The following STOML2 variants were observed in gnomAD, a reference collection of about 807,000 sequenced individuals.
STOML2 encodes the protein stomatin like 2.
Under a neutral mutation model 45.7 loss-of-function variants are expected in STOML2, and 22 were observed. That is an observed-to-expected ratio of 0.48 (90% CI 0.34 to 0.69). The LOEUF (loss-of-function observed/expected upper bound fraction) is 0.69, where lower values mean the gene tolerates loss of function less well. Among genes scored for constraint, STOML2 ranks in the 30% least tolerant of loss-of-function variants. STOML2 has a pLI of 0.01. For synonymous variants in STOML2, 181 were observed against 182.7 expected, an observed-to-expected ratio of 0.99 and a Z score of 0.08; for missense variants, 359 against 466.9, an observed-to-expected ratio of 0.77 and a Z score of 2.13.
In STOML2 at chr9:35,102,096, G is replaced by A. The variant is rs563889169; in HGVS notation, c.282C>T (p.Leu94=). The change falls in exon 3 of 10, where the codon CTC becomes CTT. Residue 94 remains leucine, a splice_region_variant and synonymous_variant. Transcript: ENST00000356493. This position sits in a 1 kb window ranked among gnomAD's most constrained non-coding sequence, Gnocchi z 4.8. ...CCCATGTCACCCTGAACCCCTCACC[G>A]AGAGTCACAGCCGACTGCTCAGGCA... The part of the protein sequence containing the change: ...INVPEQSAVT[L]DNVTLQIDGV... 39 of 1,613,898 alleles carry A rather than the reference G, an allele frequency of 2.4e-5. No homozygotes were observed. Among genetic ancestry groups the A allele is most frequent in the African/African-American group, 4.0e-5 (3 of 74,968 alleles).
Position 35,102,433 on chromosome 9 carries a change from T to C in STOML2, c.184-239A>G. The C allele has an allele frequency of 1.5e-6, 1 of 662,746 alleles. No individual in the cohort carries two copies. The highest frequency in any genetic ancestry group is 2.5e-6 in the Non-Finnish European group (1 of 393,732). The allele number at this position is 662,746 out of a possible 1,614,324, so 41.1% of individuals were successfully genotyped here. ...GTCATGAGAATCGGAGCCAGCAGAA[T>C]AGCCATCTCTATGCAGACTGAGAGG... is the stretch of plus-strand genomic sequence containing the variant. On this transcript the variant is annotated intron_variant, in intron 2 of 9. Transcript: ENST00000356493. The surrounding 1 kb of genome is among the most constrained non-coding windows in gnomAD (Gnocchi z 4.8).
intron 8 of STOML2, 48 bp downstream of exon 8, chr9:35,100,884 C>T (rs368396370): frequency 6.8e-5 from 110 of 1,613,524 alleles, no homozygotes; most frequent in Non-Finnish European, 8.9e-5. Flanking sequence ...TAAGAGAACC[C>T]CTTCCACTGT....
Position 35,101,008 on chromosome 9 carries a change from T to C in STOML2, c.728A>G (p.Glu243Gly). ...KAEQINQAAG[E>G]ASAVLAKAKA... Reference sequence around the variant, plus strand: ...GGCCTTCGCCAGAACTGCACTGGCCTCTCCTGCAAGAGAAGGGACAGAGCT... The same window carrying C: ...GGCCTTCGCCAGAACTGCACTGGCCCCTCCTGCAAGAGAAGGGACAGAGCT... The change falls in exon 8 of 10, where the codon GAG (glutamate) becomes GGG (glycine). Residue 243 changes from glutamate to glycine, a missense_variant. Around this residue, in one of 2 missense-constraint regions of STOML2, gnomAD observed 285 missense variants for 422.0 expected, o/e 0.68. Coordinates refer to ENST00000356493, the MANE Select transcript of STOML2 (RefSeq NM_013442.3). The surrounding 1 kb of genome is among the most constrained non-coding windows in gnomAD (Gnocchi z 4.3). 1 of 1,613,884 alleles carries C rather than the reference T, an allele frequency of 6.2e-7. No individual in the cohort carries two copies. The highest frequency in any genetic ancestry group is 8.5e-7 in the Non-Finnish European group (1 of 1,179,878).
In STOML2 at chr9:35,102,995, G is replaced by T; in HGVS notation, c.45+55C>A. 1 of 1,606,196 alleles carries T rather than the reference G, an allele frequency of 6.2e-7. No individual in the cohort carries two copies. The highest frequency in any genetic ancestry group is 1.7e-5 in the Admixed American group (1 of 58,580). The stretch of plus-strand genomic sequence containing the variant: ...AGTTGGAATTTCGCTCTTTTCCAGC[G>T]GAGAACCCAGGTAATCTCTGTCCTG... On this transcript the variant is annotated intron_variant, in intron 1 of 9. Transcript: ENST00000356493. This position sits in a 1 kb window ranked among gnomAD's most constrained non-coding sequence, Gnocchi z 4.8.
Position 35,101,587 on chromosome 9 carries a change from G to A in STOML2, c.445-27C>T, listed in dbSNP as rs766519602. 2.5e-6 allele frequency: 4 copies of A among 1,613,934 alleles called. No homozygotes were observed. The East Asian group carries it at 6.7e-5, about 27-fold the overall frequency. ...TGGAAAAAGAGGTGTAAGCCCCACA[G>A]CCTCAACCTACCTATCAAGGGCCTA... is the stretch of plus-strand genomic sequence containing the variant. On this transcript the variant is annotated intron_variant, in intron 5 of 9. Transcript: ENST00000356493. The surrounding 1 kb of genome is among the most constrained non-coding windows in gnomAD (Gnocchi z 4.3).
In STOML2 at chr9:35,101,448, AC is replaced by A. The variant is rs770105605; in HGVS notation, c.556del (p.Val186Ter). The A allele has an allele frequency of 1.9e-6, 3 of 1,613,644 alleles. No homozygotes were observed. Among genetic ancestry groups the A allele is most frequent in the South Asian group, 1.1e-5 (1 of 91,072 alleles). On this transcript the variant is annotated frameshift_variant, in exon 6 of 10. Transcript: ENST00000356493. LOFTEE classifies it high-confidence loss of function. This position sits in a 1 kb window ranked among gnomAD's most constrained non-coding sequence, Gnocchi z 4.3. The part of the protein sequence containing the change: ...EIKDIHVPPR[V>X]KESMQMQVEA... ...CACCTGCATCTGCATAGACTCTTTC[AC>A]CCGGGGTGGCACATGGATATCCTTG...
In STOML2 at chr9:35,102,630, T is replaced by G; in HGVS notation, c.183+56A>C. 6.3e-7 allele frequency: 1 copy of G among 1,599,362 alleles called. No homozygotes were observed. Among genetic ancestry groups the G allele is most frequent in the Non-Finnish European group, 8.5e-7 (1 of 1,173,768 alleles). On this transcript the variant is annotated intron_variant, in intron 2 of 9. Transcript: ENST00000356493. This position sits in a 1 kb window ranked among gnomAD's most constrained non-coding sequence, Gnocchi z 4.8. ...CAAAGGAAGTCCTCCCGACATTGCA[T>G]GTCGTGAGGGATTGGTCATCTGGCT...
Position 35,102,556 on chromosome 9 carries a change from C to G in STOML2, c.183+130G>C. On this transcript the variant is annotated intron_variant, in intron 2 of 9. Transcript: ENST00000356493. The surrounding 1 kb of genome is among the most constrained non-coding windows in gnomAD (Gnocchi z 4.8). Reference sequence around the variant, plus strand: ...GGGGATGATGGTCAGCAGCCTGGGCCCTGTCAGGTCTGGCCTACAGAGTCG... The same window carrying G: ...GGGGATGATGGTCAGCAGCCTGGGCGCTGTCAGGTCTGGCCTACAGAGTCG... 7.0e-7 allele frequency: 1 copy of G among 1,432,932 alleles called. No individual in the cohort carries two copies. Among genetic ancestry groups the G allele is most frequent in the Non-Finnish European group, 9.4e-7 (1 of 1,062,934 alleles). The allele number at this position is 1,432,932 out of a possible 1,614,324, so 88.8% of individuals were successfully genotyped here. A position where few individuals can be genotyped will look rare whatever the true frequency, so the allele number is the denominator to read the frequency against.
Position 35,099,920 on chromosome 9 carries a change from C to A in STOML2, c.*115G>T. 1 of 1,344,776 alleles carries A rather than the reference C, an allele frequency of 7.4e-7. No homozygotes were observed. The highest frequency in any genetic ancestry group is 1.0e-6 in the Non-Finnish European group (1 of 981,920). The allele number at this position is 1,344,776 out of a possible 1,614,324, so 83.3% of individuals were successfully genotyped here. ...TGGTTTGCCACTGGTGAGTTTATTA[C>A]ACGACTAAAGTTCAAATAAAAAAAT... On this transcript the variant is annotated 3_prime_UTR_variant, in exon 10 of 10. Transcript: ENST00000356493.
chr9:35,099,954 A>G lies in STOML2; in HGVS notation c.*81T>C. The stretch of plus-strand genomic sequence containing the variant: ...AGTTCAAATAAAAAAATAAAAACCA[A>G]AATCTTGGCAGGGAAGCTAGAGCCA... On this transcript the variant is annotated 3_prime_UTR_variant, in exon 10 of 10. Transcript: ENST00000356493. 6.5e-7 allele frequency: 1 copy of G among 1,544,558 alleles called. No homozygotes were observed. The highest frequency in any genetic ancestry group is 8.8e-7 in the Non-Finnish European group (1 of 1,140,468).
Position 35,099,925 on chromosome 9 carries a change from C to T in STOML2, c.*110G>A. 7.1e-7 allele frequency: 1 copy of T among 1,400,178 alleles called. No individual in the cohort carries two copies. The highest frequency in any genetic ancestry group is 1.3e-5 in the South Asian group (1 of 74,654). 86.7% of individuals were successfully genotyped at this position (1,400,178 alleles called of 1,614,324 possible). The stretch of plus-strand genomic sequence containing the variant: ...TGCCACTGGTGAGTTTATTACACGA[C>T]TAAAGTTCAAATAAAAAAATAAAAA... On this transcript the variant is annotated 3_prime_UTR_variant, in exon 10 of 10. Transcript: ENST00000356493.
chr9:35,102,819 G>C lies in STOML2; in HGVS notation c.50C>G (p.Ser17Cys), dbSNP rs776107111. 1.2e-6 allele frequency: 2 copies of C among 1,613,842 alleles called. No individual in the cohort carries two copies. The highest frequency in any genetic ancestry group is 1.7e-6 in the Non-Finnish European group (2 of 1,179,950). Residue 17 changes from serine to cysteine, a missense_variant, in exon 2 of 10, where the codon TCT becomes TGT. Physicochemically the swap from Ser to Cys is moderately radical, Grantham distance 112. Transcript: ENST00000356493. The surrounding 1 kb of genome is among the most constrained non-coding windows in gnomAD (Gnocchi z 4.8). Reference sequence around the variant, plus strand: ...CGGAGCGCGGCCAGAAGCCAGTAGAGAGCCCTGAAGGAAAGAAGAGGGTGA... The same window carrying C: ...CGGAGCGCGGCCAGAAGCCAGTAGACAGCCCTGAAGGAAAGAAGAGGGTGA... Reference protein sequence around the residue: ...RGTGALLLRGSLLASGRAPRR... With the variant: ...RGTGALLLRGCLLASGRAPRR...
chr9:35,100,318 G>T, intron 9 of STOML2, 146 bp from the exon 10 acceptor site: 1 of 1,132,660 alleles, frequency 8.8e-7, no homozygotes, highest in Non-Finnish European at 1.2e-6. Flanking sequence ...TGTAAGCTCT[G>T]GAGTTGATTT....
chr9:35,101,624 G>C lies in STOML2; in HGVS notation c.445-64C>G. 1 of 1,613,482 alleles carries C rather than the reference G, an allele frequency of 6.2e-7. No individual in the cohort carries two copies. The highest frequency in any genetic ancestry group is 1.6e-4 in the Middle Eastern group (1 of 6,062). On this transcript the variant is annotated intron_variant, in intron 5 of 9. Coordinates refer to ENST00000356493, the MANE Select transcript of STOML2 (RefSeq NM_013442.3). This position sits in a 1 kb window ranked among gnomAD's most constrained non-coding sequence, Gnocchi z 4.3. ...CTATCAAGGGCCTACACTGAGAAGGGCCTGGGACTGATCTTGACCTTCAGA... is the reference window on the plus strand; with the variant it reads ...CTATCAAGGGCCTACACTGAGAAGGCCCTGGGACTGATCTTGACCTTCAGA...
chr9:35,101,300 C>T lies in STOML2; in HGVS notation c.580-21G>A, dbSNP rs781672586. 1 of 1,614,188 alleles carries T rather than the reference C, an allele frequency of 6.2e-7. No homozygotes were observed. The highest frequency in any genetic ancestry group is 1.1e-5 in the South Asian group (1 of 91,084). On this transcript the variant is annotated intron_variant, in intron 6 of 9. Coordinates refer to ENST00000356493, the MANE Select transcript of STOML2 (RefSeq NM_013442.3). This position sits in a 1 kb window ranked among gnomAD's most constrained non-coding sequence, Gnocchi z 4.3. Reference sequence around the variant, plus strand: ...TCCACCTGGAAGCCCACAACAATCCCAATCAACAAGCCAAGGGAGACTGAT... The same window carrying T: ...TCCACCTGGAAGCCCACAACAATCCTAATCAACAAGCCAAGGGAGACTGAT...
chr9:35,101,312 C>T lies in STOML2; in HGVS notation c.580-33G>A. On this transcript the variant is annotated intron_variant, in intron 6 of 9. Transcript: ENST00000356493. The surrounding 1 kb of genome is among the most constrained non-coding windows in gnomAD (Gnocchi z 4.3). ...CCCACAACAATCCCAATCAACAAGC[C>T]AAGGGAGACTGATACAGACATGCAA... 1.2e-6 allele frequency: 2 copies of T among 1,614,008 alleles called. No individual in the cohort carries two copies. The highest frequency in any genetic ancestry group is 1.7e-6 in the Non-Finnish European group (2 of 1,179,908).
At chr9:35,100,465 A>C in intron 9 of STOML2, 133 bp downstream of exon 9, 1 of 1,250,260 alleles carries the variant, frequency 8.0e-7, no homozygotes, top group Non-Finnish European at 1.1e-6. Flanking sequence ...CCATCTCTAC[A>C]AAGAATGAAG....
chr9:35,101,740 G>T lies in STOML2; in HGVS notation c.414C>A (p.Leu138=), dbSNP rs773204475. ...QLAQTTMRSE[L]GKLSLDKVFR... is the part of the protein sequence containing the mutation. ...AGACTTTGTCCAGAGAGAGTTTGCCGAGCTCTGATCTCATGGTTGTTTGAG... is the reference window on the plus strand; with the variant it reads ...AGACTTTGTCCAGAGAGAGTTTGCCTAGCTCTGATCTCATGGTTGTTTGAG... Residue 138 remains leucine, a synonymous_variant, in exon 5 of 10, where the codon CTC becomes CTA. Transcript: ENST00000356493. This position sits in a 1 kb window ranked among gnomAD's most constrained non-coding sequence, Gnocchi z 4.3. 3 of 1,614,126 alleles carry T rather than the reference G, an allele frequency of 1.9e-6. No homozygotes were observed. In the South Asian group the frequency reaches 3.3e-5, roughly 18 times the overall value.
At chr9:35,100,480 G>T in intron 9 of STOML2, 118 bp downstream of exon 9, 1 of 1,393,976 alleles carries the variant, frequency 7.2e-7, no homozygotes, top group South Asian at 1.3e-5. Flanking sequence ...ATGAAGGGAG[G>T]TCTAGGGCCA....
Sources: allele counts gnomAD v4.1 joint callset, GRCh38; gene constraint gnomAD v4.1.1; regional missense constraint gnomAD v4.1.1; non-coding constraint Gnocchi (gnomAD v3.1); transcripts MANE v1.5; gene names NCBI Gene and HGNC (gene_info 2026-07-23, HGNC 2026-07-21).